SLC3A1: variants seen among roughly 807,000 people sequenced by gnomAD.
SLC3A1 encodes the protein amino acid transporter heavy chain SLC3A1.
A neutral mutation model predicts 60.3 loss-of-function variants in SLC3A1; 78 were observed. The observed-to-expected ratio is 1.29, with a 90% CI of 1.08 to 1.56. The LOEUF (loss-of-function observed/expected upper bound fraction) is 1.56. Ranked by LOEUF, SLC3A1 falls within the 40% of genes most tolerant of loss-of-function variation. The probability of loss-of-function intolerance (pLI) is 0.00; values close to 1 mark genes in which losing one functional copy is unlikely to be tolerated. For missense variants in SLC3A1, 1,172 were observed against 858.9 expected (o/e 1.36, Z -4.56); for synonymous variants, 392 against 307.9 (o/e 1.27, Z -2.86).
In SLC3A1 at chr2:44,299,972, A is replaced by G; in HGVS notation, c.893A>G (p.Glu298Gly). 6.2e-7 allele frequency: 1 copy of G among 1,614,096 alleles called. No homozygotes were observed. The highest frequency in any genetic ancestry group is 8.5e-7 in the Non-Finnish European group (1 of 1,179,962). The stretch of plus-strand genomic sequence containing the variant: ...AGCATTTTGCTTCTTCATCTTTAGG[A>G]AATTTTACGGTTCTGGCTCACAAAG... ...RNPDVQEEIK[E>G]ILRFWLTKGV... Residue 298 changes from glutamate to glycine, a missense_variant and splice_region_variant, in exon 5 of 10, where the codon GAA becomes GGA. Glu to Gly is a moderately conservative substitution (Grantham distance 98, BLOSUM62 -2). Coordinates refer to ENST00000260649, the MANE Select transcript of SLC3A1 (RefSeq NM_000341.4).
At chr2:44,299,278 A>T (rs965304878) in intron 4 of SLC3A1, among the ~76,000 whole-genome samples, 2 of 152,168 alleles carry the variant, frequency 1.3e-5, no homozygotes, top group Admixed American at 1.3e-4. Context: ...ACCTCAGGTG[A>T]TCCGCCTGCC....
chr2:44,288,737 A>G (rs1671671920), intron 4 of SLC3A1, among the ~76,000 whole-genome samples: 1 of 152,248 alleles, frequency 6.6e-6, no homozygotes, highest in Admixed American at 6.5e-5. Context: ...CCAAATGGCT[A>G]AAGACGTTGA....
chr2:44,315,697 C>T (rs569959861), intron 9 of SLC3A1, among the ~76,000 whole-genome samples: 1 of 143,278 alleles, frequency 7.0e-6, no homozygotes, highest in Admixed American at 7.0e-5. Context: ...AAGTGGGAGT[C>T]TAAAACATAC....
chr2:44,321,579 G>A, downstream of SLC3A1: 1 of 1,494,116 alleles, frequency 6.7e-7, no homozygotes, highest in Non-Finnish European at 8.9e-7. Flanking sequence ...TTTCATTCGA[G>A]AGAGAGGCAG....
chr2:44,302,680 A>T (rs1672044580), intron 6 of SLC3A1, among the ~76,000 whole-genome samples: 1 of 152,236 alleles, frequency 6.6e-6, no homozygotes, highest in Non-Finnish European at 1.5e-5. Flanking sequence ...AGCAATTGAG[A>T]GTGCACACCA....
chr2:44,308,934 G>A (rs967836841), intron 7 of SLC3A1, among the ~76,000 whole-genome samples: 5 of 151,978 alleles, frequency 3.3e-5, no homozygotes, highest in Admixed American at 1.3e-4. Flanking sequence ...GGGTTTCACC[G>A]TGTTAGCCAA....
At chr2:44,296,092 A>C (rs1283579309) in intron 4 of SLC3A1, among the ~76,000 whole-genome samples, 1 of 152,190 alleles carries the variant, frequency 6.6e-6, no homozygotes, top group Non-Finnish European at 1.5e-5. Context: ...TCCTGAAGCC[A>C]CTGAAAACCT....
At position 44,275,745 on chromosome 2, in the gene SLC3A1, G is replaced by A. The variant is rs1329075285; in HGVS notation, c.210G>A (p.Lys70=). The A allele has an allele frequency of 1.9e-6, 3 of 1,614,236 alleles. No individual in the cohort carries two copies. Among genetic ancestry groups the A allele is most frequent in the Non-Finnish European group, 2.5e-6 (3 of 1,180,030 alleles). ...KGVQPYAGMP[K]EVLFQFSGQA... Reference sequence around the variant, plus strand: ...TCCAGCCCTATGCGGGGATGCCCAAGGAGGTGCTGTTCCAGTTCTCTGGCC... The same window carrying A: ...TCCAGCCCTATGCGGGGATGCCCAAAGAGGTGCTGTTCCAGTTCTCTGGCC... Residue 70 remains lysine, a synonymous_variant, in exon 1 of 10, where the codon AAG becomes AAA. Transcript: ENST00000260649.
At chr2:44,292,726 C>T (rs112528079) in intron 4 of SLC3A1, among the ~76,000 whole-genome samples, 3 of 151,948 alleles carry the variant, frequency 2.0e-5, no homozygotes, top group Non-Finnish European at 4.4e-5. Context: ...GATCGTGACA[C>T]ATTAGAGGTG....
chr2:44,315,003 CT>C, intron 9 of SLC3A1: 1 of 124,784 alleles, frequency 8.0e-6, no homozygotes, highest in East Asian at 2.7e-4. Flanking sequence ...GTGGTCTTGG[CT>C]CACCGCAACC....
At chr2:44,292,840 C>A (rs777273681) in intron 4 of SLC3A1, among the ~76,000 whole-genome samples, 2 of 151,948 alleles carry the variant, frequency 1.3e-5, no homozygotes, top group African/African-American at 2.4e-5. Flanking sequence ...CCACTGAAGG[C>A]CCTGGTAAGG....
chr2:44,306,385 G>T (rs1398953321), intron 7 of SLC3A1, among the ~76,000 whole-genome samples: 2 of 152,066 alleles, frequency 1.3e-5, no homozygotes, highest in African/African-American at 4.8e-5. Context: ...GCTTTAATAG[G>T]CAGGAATGTG....
At chr2:44,302,183 G>C (rs1672028871) in intron 6 of SLC3A1, among the ~76,000 whole-genome samples, 1 of 152,176 alleles carries the variant, frequency 6.6e-6, no homozygotes, top group Non-Finnish European at 1.5e-5. Context: ...CACAGCTTTG[G>C]AATCAGGTAG....
intron 9 of SLC3A1, chr2:44,318,234 G>A (rs1330189141): frequency 2.9e-6 from 1 of 344,598 alleles, no homozygotes; most frequent in Admixed American, 3.9e-5. Context: ...GGGATTACAG[G>A]TGCACGTCAT....
chr2:44,320,148 A>G (rs761780527), intron 9 of SLC3A1, 51 bp from the exon 10 acceptor site: 1 of 1,474,972 alleles, frequency 6.8e-7, no homozygotes, highest in Non-Finnish European at 9.4e-7. Context: ...AAATACTTAC[A>G]AACAATTCTT....
intron 6 of SLC3A1, among the ~76,000 whole-genome samples, chr2:44,303,179 C>T (rs538388795): frequency 6.8e-6 from 1 of 147,122 alleles, no homozygotes; most frequent in Non-Finnish European, 1.5e-5. Flanking sequence ...CCAGCCTGGG[C>T]AATAAGAGTA....
At chr2:44,321,520 C>T, downstream of SLC3A1, 2 of 1,558,636 alleles carry the variant, frequency 1.3e-6, no homozygotes, top group East Asian at 2.3e-5. Context: ...TTCTCTTTAT[C>T]TATCCATCTT....
intron 4 of SLC3A1, among the ~76,000 whole-genome samples, chr2:44,287,100 A>T (rs1286856619): frequency 6.6e-6 from 1 of 152,122 alleles, no homozygotes; most frequent in East Asian, 1.9e-4. Context: ...CCCTGTTCTA[A>T]GCACTGGGAA....
intron 6 of SLC3A1, among the ~76,000 whole-genome samples, chr2:44,302,767 A>G (rs139826684): frequency 2.6e-4 from 39 of 152,368 alleles, no homozygotes; most frequent in African/African-American, 8.9e-4. Flanking sequence ...CCTAATTTGC[A>G]GACATAAACT....
Sources: gnomAD v4.1 joint callset for allele counts (sites outside exome capture counted in the v4.1 genomes callset) on GRCh38, gnomAD v4.1.1 for gene constraint, MANE v1.5 for transcripts, NCBI Gene and HGNC (gene_info 2026-07-23, HGNC 2026-07-21) for gene names.